FBXO7: variants seen among roughly 807,000 people sequenced by gnomAD.
FBXO7 encodes F-box protein 7.
A neutral mutation model predicts 50.2 loss-of-function variants in FBXO7; 31 were observed. The observed-to-expected ratio is 0.62, with a 90% CI of 0.46 to 0.83. The LOEUF is 0.83. FBXO7 is among the 40% of genes least tolerant of loss of function. FBXO7 has a pLI of 0.00. For synonymous variants in FBXO7, 256 were observed against 253.1 expected, an observed-to-expected ratio of 1.01 and a Z score of -0.11; for missense variants, 667 against 646.6, an observed-to-expected ratio of 1.03 and a Z score of -0.34.
intron 7 of FBXO7, among the ~76,000 whole-genome samples, chr22:32,494,420 C>CT (rs1431563960): frequency 6.6e-6 from 1 of 151,866 alleles, no homozygotes; most frequent in Non-Finnish European, 1.5e-5. Context: ...AGCTCACTGC[C>CT]ACCCCCAACT....
At chr22:32,492,898 G>C in intron 6 of FBXO7, 2 of 617,974 alleles carry the variant, frequency 3.2e-6, no homozygotes, top group Non-Finnish European at 5.8e-6. Flanking sequence ...GGGAATAAGG[G>C]CCTAGAGTTA....
chr22:32,497,638 G>A (rs2057583689), intron 8 of FBXO7, among the ~76,000 whole-genome samples: 1 of 152,216 alleles, frequency 6.6e-6, no homozygotes, highest in Non-Finnish European at 1.5e-5. Flanking sequence ...CTCTGATTTT[G>A]AAAGTTTTAC....
chr22:32,498,828 T>C lies in FBXO7; in HGVS notation c.*298T>C. The C allele has an allele frequency of 2.4e-6, 1 of 421,420 alleles. No homozygotes were observed. Among genetic ancestry groups the C allele is most frequent in the Non-Finnish European group, 4.3e-6 (1 of 233,798 alleles). 26.1% of individuals were successfully genotyped at this position (421,420 alleles called of 1,614,324 possible). On this transcript the variant is annotated 3_prime_UTR_variant, in exon 9 of 9. Coordinates refer to ENST00000266087, the MANE Select transcript of FBXO7 (RefSeq NM_012179.4). ...TACCAGATTAAAAAAAAGTGTAAAT[T>C]ACATGGTGGTCTTGACTTTTATTAC...
rs759902395 is a variant in FBXO7, at chr22:32,483,941, T to C, written c.462T>C (p.Asn154=). 1.1e-5 allele frequency: 18 copies of C among 1,614,068 alleles called. No individual in the cohort carries two copies. Among genetic ancestry groups the C allele is most frequent in the Non-Finnish European group, 1.4e-5 (17 of 1,180,018 alleles). ...TTGAAGCTGAGTCAATTCAAGATAA[T>C]GCGCATATGGCAGAGGGCACAGGTT... The part of the protein sequence containing the change: ...QNFEAESIQD[N]AHMAEGTGFY... Residue 154 remains asparagine (N), a synonymous_variant, in exon 3 of 9, where the codon AAT becomes AAC. Coordinates refer to ENST00000266087, the MANE Select transcript of FBXO7 (RefSeq NM_012179.4).
chr22:32,478,129 G>C (rs2057440574), intron 1 of FBXO7: 2 of 152,412 alleles, frequency 1.3e-5, no homozygotes, highest in South Asian at 4.1e-4. Flanking sequence ...CGGATGGAAA[G>C]CTCATGTGAA....
At chr22:32,493,799 C>A (rs2057554281) in intron 7 of FBXO7, among the ~76,000 whole-genome samples, 1 of 152,042 alleles carries the variant, frequency 6.6e-6, no homozygotes, top group African/African-American at 2.4e-5. Flanking sequence ...TCTGCTACCA[C>A]CATTTTACTA....
In FBXO7 at chr22:32,497,185, G is replaced by A. The variant is rs560437352; in HGVS notation, c.1183-959G>A. 2.6e-5 allele frequency among the ~76,000 whole-genome samples: 4 copies of A among 152,270 alleles called. No homozygotes were observed. In the South Asian group the frequency reaches 8.3e-4, roughly 32 times the overall value. On this transcript the variant is annotated intron_variant, in intron 8 of 8. Coordinates refer to ENST00000266087, the MANE Select transcript of FBXO7 (RefSeq NM_012179.4). Reference sequence around the variant, plus strand: ...TAAAAAAATGTCAATAGTTTTTGGGGTACAGGTGGTTTTTGGTTGCATAGA... The same window carrying A: ...TAAAAAAATGTCAATAGTTTTTGGGATACAGGTGGTTTTTGGTTGCATAGA...
chr22:32,484,799 T>C (rs576891724), intron 3 of FBXO7, among the ~76,000 whole-genome samples: 1 of 152,320 alleles, frequency 6.6e-6, no homozygotes, highest in South Asian at 2.1e-4. Context: ...AGTGAGTCTT[T>C]GAAGAGAGAG....
intron 8 of FBXO7, 144 bp from the exon 9 acceptor site, chr22:32,498,000 G>T: frequency 1.1e-6 from 1 of 881,918 alleles, no homozygotes; most frequent in Non-Finnish European, 1.7e-6. Context: ...TGTGTGACTT[G>T]GTTTATTGCA....
intron 2 of FBXO7, among the ~76,000 whole-genome samples, chr22:32,481,786 AC>A (rs1446634288): frequency 6.6e-6 from 1 of 152,230 alleles, no homozygotes; most frequent in Non-Finnish European, 1.5e-5. Context: ...AGGTATCAGA[AC>A]CTAATATTAG....
chr22:32,488,536 T>A (rs2085648965), intron 5 of FBXO7: 2 of 152,208 alleles, frequency 1.3e-5, no homozygotes, highest in Admixed American at 6.5e-5. Context: ...GTTATTCCAT[T>A]TAATCTTCTT....
intron 6 of FBXO7, chr22:32,491,794 A>T (rs2057539140): frequency 6.6e-6 from 1 of 151,814 alleles, no homozygotes; most frequent in Admixed American, 6.6e-5. Flanking sequence ...ATCATAATTC[A>T]ATAAGGTTTA....
chr22:32,478,895 C>A, intron 1 of FBXO7, 86 bp from the exon 2 acceptor site: 1 of 1,243,066 alleles, frequency 8.0e-7, no homozygotes, highest in South Asian at 1.2e-5. Flanking sequence ...TAGGGTCATA[C>A]TGTGTACTTA....
rs563311588 is a variant in FBXO7 at position 32,496,830 on chromosome 22, A to G, written c.1182+1300A>G. Among the ~76,000 whole-genome samples the G allele has an allele frequency of 3.3e-5, 5 of 152,376 alleles. No homozygotes were observed. In the South Asian group the frequency reaches 1.0e-3, roughly 32 times the overall value. On this transcript the variant is annotated intron_variant, in intron 8 of 8. Coordinates refer to ENST00000266087, the MANE Select transcript of FBXO7 (RefSeq NM_012179.4). The stretch of plus-strand genomic sequence containing the variant: ...CATTTTGTCAGGCCATAGTTGCCAG[A>G]GATGGTGATTCCTCTGATGGATCTG...
chr22:32,493,417 G>T, intron 7 of FBXO7, 136 bp downstream of exon 7: 1 of 752,798 alleles, frequency 1.3e-6, no homozygotes, highest in South Asian at 1.5e-5. Context: ...CTGACTCTAA[G>T]CTTCATATAC....
At chr22:32,476,448 CT>C (rs1172139749) in intron 1 of FBXO7, among the ~76,000 whole-genome samples, 1 of 152,174 alleles carries the variant, frequency 6.6e-6, no homozygotes, top group Non-Finnish European at 1.5e-5. Flanking sequence ...CTCAATATGA[CT>C]GCCCAAAAGG....
intron 7 of FBXO7, 106 bp from the exon 8 acceptor site, chr22:32,495,387 C>A: frequency 1.6e-5 from 9 of 560,032 alleles, no homozygotes; most frequent in East Asian, 3.3e-5. Context: ...TTTTTTTATG[C>A]TTAACGGGTA....
intron 1 of FBXO7, among the ~76,000 whole-genome samples, chr22:32,478,626 G>T (rs888573242): frequency 3.9e-5 from 6 of 152,182 alleles, no homozygotes; most frequent in Non-Finnish European, 7.3e-5. Flanking sequence ...AGGCTGAGGT[G>T]AGAGGATTGC....
At chr22:32,496,753 G>A (rs1218444831) in intron 8 of FBXO7, among the ~76,000 whole-genome samples, 9 of 152,170 alleles carry the variant, frequency 5.9e-5, no homozygotes, top group Non-Finnish European at 7.3e-5. Flanking sequence ...GCATTCTGAA[G>A]CTCATGGATC....
Sources: gnomAD v4.1 joint callset for allele counts (sites outside exome capture counted in the v4.1 genomes callset) on GRCh38, gnomAD v4.1.1 for gene constraint, MANE v1.5 for transcripts, NCBI Gene and HGNC (gene_info 2026-07-23, HGNC 2026-07-21) for gene names.